The following SCAPER variants were observed in gnomAD, a reference collection of about 807,000 sequenced individuals.
The protein encoded by SCAPER is S-phase cyclin A associated protein in the ER.
In SCAPER, 98 loss-of-function variants were observed where a neutral mutation model predicts 182.2. The observed-to-expected ratio is 0.54, with a 90% CI of 0.46 to 0.64. The LOEUF is 0.64. Ranked by LOEUF, SCAPER falls within the 30% of genes least tolerant of loss-of-function variation. The pLI is 0.00. For missense variants in SCAPER, 1,432 were observed against 1,690.0 expected, an observed-to-expected ratio of 0.85 and a Z score of 2.68; for synonymous variants, 605 against 564.6, an observed-to-expected ratio of 1.07 and a Z score of -1.01.
chr15:76,368,732 C>A lies in SCAPER; in HGVS notation c.3855+7430G>T, dbSNP rs115660864. Among the ~76,000 whole-genome samples the A allele has an allele frequency of 3.9e-3, 599 of 152,256 alleles. 6 individuals are homozygous for A. The highest frequency in any genetic ancestry group is 0.014 in the African/African-American group (569 of 41,536). ...ACTCTGATAGCTGCAATCTATGGGG[C>A]CTTTCCAAATGAAAAAGCCAGTTGC... On this transcript the variant is annotated intron_variant, in intron 29 of 31. Coordinates refer to ENST00000563290, the MANE Select transcript of SCAPER (RefSeq NM_020843.4).
At chr15:76,422,831 G>A (rs560469492) in intron 26 of SCAPER, among the ~76,000 whole-genome samples, 14 of 150,944 alleles carry the variant, frequency 9.3e-5, no homozygotes, top group Non-Finnish European at 1.8e-4. Flanking sequence ...TAGCAGGAAG[G>A]GTTGTTGAAT....
chr15:76,670,105 G>C (rs1377039546), intron 20 of SCAPER, among the ~76,000 whole-genome samples: 1 of 151,904 alleles, frequency 6.6e-6, no homozygotes, highest in East Asian at 1.9e-4. Context: ...TCTCAAACCA[G>C]AGACAAATGA....
At chr15:76,442,114 G>A (rs1023424481) in intron 25 of SCAPER, among the ~76,000 whole-genome samples, 1 of 151,936 alleles carries the variant, frequency 6.6e-6, no homozygotes, top group African/African-American at 2.4e-5. Context: ...AAGGTGTAAA[G>A]TGAATTAAAG....
At position 76,511,843 on chromosome 15, in the gene SCAPER, A is replaced by ATGTGTGTGTGTG. The variant is rs1555461783; in HGVS notation, c.2839-6881_2839-6870dup. On this transcript the variant is annotated intron_variant, in intron 23 of 31. Coordinates refer to ENST00000563290, the MANE Select transcript of SCAPER (RefSeq NM_020843.4). ...AGATACACTTATTATATATATATAT[A>ATGTGTGTGTGTG]TGTGTGTGTGTGTGTGTGTGTGTGT... is the stretch of plus-strand genomic sequence containing the variant. Among the ~76,000 whole-genome samples, 350 of 123,244 alleles carry ATGTGTGTGTGTG rather than the reference A, an allele frequency of 2.8e-3. 2 individuals carry two copies. The highest frequency in any genetic ancestry group is 0.01 in the African/African-American group (300 of 29,768). 80.9% of individuals were successfully genotyped at this position (123,244 alleles called of 152,430 possible).
rs372932948 is a variant in SCAPER, at chr15:76,630,946, C to T, written c.2646-9117G>A. Among the ~76,000 whole-genome samples the T allele has an allele frequency of 2.4e-4, 37 of 152,270 alleles. No homozygotes were observed. The East Asian group carries it at 6.6e-3, about 27-fold the overall frequency. On this transcript the variant is annotated intron_variant, in intron 21 of 31. Coordinates refer to ENST00000563290, the MANE Select transcript of SCAPER (RefSeq NM_020843.4). ...TGGGAGTCTAAGTCTCTCTGTAGGTCTCTAAGAACTTGTTTTATGAATCTG... is the reference window on the plus strand; with the variant it reads ...TGGGAGTCTAAGTCTCTCTGTAGGTTTCTAAGAACTTGTTTTATGAATCTG...
intron 30 of SCAPER, among the ~76,000 whole-genome samples, chr15:76,352,841 T>G (rs1175058829): frequency 6.6e-6 from 1 of 152,216 alleles, no homozygotes; most frequent in Non-Finnish European, 1.5e-5. Context: ...CTGTAAAATT[T>G]TCTTAAGATA....
At chr15:76,498,004 A>AT (rs1465004013) in intron 24 of SCAPER, among the ~76,000 whole-genome samples, 3 of 149,938 alleles carry the variant, frequency 2.0e-5, no homozygotes, top group Non-Finnish European at 3.0e-5. Context: ...AAAAAAAAAA[A>AT]AAAAAAAAAA....
intron 7 of SCAPER, chr15:76,797,472 G>A (rs2065410585): frequency 6.6e-6 from 1 of 152,170 alleles, no homozygotes. Context: ...TGAAAATCAA[G>A]AAGGCCACAC....
intron 23 of SCAPER, among the ~76,000 whole-genome samples, chr15:76,523,713 A>G (rs1467991726): frequency 6.6e-6 from 1 of 152,104 alleles, no homozygotes; most frequent in East Asian, 1.9e-4. Context: ...GAAGAGTAAT[A>G]ACGGTTTACT....
chr15:76,564,270 T>A (rs929348097), intron 23 of SCAPER, among the ~76,000 whole-genome samples: 1 of 152,142 alleles, frequency 6.6e-6, no homozygotes, highest in Admixed American at 6.5e-5. Flanking sequence ...GAAAACCCCA[T>A]TGTCTCAGTC....
At chr15:76,863,588 G>C (rs1451102280) in intron 2 of SCAPER, among the ~76,000 whole-genome samples, 1 of 152,188 alleles carries the variant, frequency 6.6e-6, no homozygotes, top group Non-Finnish European at 1.5e-5. Context: ...AACAATCCAA[G>C]TAAATGAAGC....
chr15:76,650,559 A>C (rs1255412163), intron 21 of SCAPER, among the ~76,000 whole-genome samples: 2 of 152,044 alleles, frequency 1.3e-5, no homozygotes, highest in African/African-American at 4.8e-5. Context: ...AAATTTTTTA[A>C]ACATAATAAT....
rs537965040 is a variant in SCAPER, at chr15:76,447,312, T to A, written c.3079-13002A>T. The stretch of plus-strand genomic sequence containing the variant: ...ACATCCTTTGTGATAAACTGGTAAA[T>A]GTAAGTGTTTCCTTGAGTTCTGTAA... On this transcript the variant is annotated intron_variant, in intron 25 of 31. Transcript: ENST00000563290. Among the ~76,000 whole-genome samples, 22 of 152,278 alleles carry A rather than the reference T, an allele frequency of 1.4e-4. No homozygotes were observed. The South Asian group carries it at 4.4e-3, about 30-fold the overall frequency.
rs1598522558 is a variant in SCAPER at position 76,753,729 on chromosome 15, T to C, written c.1866+79A>G. 4 of 1,442,030 alleles carry C rather than the reference T, an allele frequency of 2.8e-6. No individual in the cohort carries two copies. The East Asian group carries it at 9.3e-5, about 33-fold the overall frequency. 89.3% of individuals were successfully genotyped at this position (1,442,030 alleles called of 1,614,324 possible). On this transcript the variant is annotated intron_variant, in intron 15 of 31. Transcript: ENST00000563290. ...AACAGAATAAACATTGGATAAACATTATCTTCTATTACTATTATATAACAA... is the reference window on the plus strand; with the variant it reads ...AACAGAATAAACATTGGATAAACATCATCTTCTATTACTATTATATAACAA...
chr15:76,582,642 A>C (rs2048349863), intron 22 of SCAPER, among the ~76,000 whole-genome samples: 1 of 152,230 alleles, frequency 6.6e-6, no homozygotes, highest in African/African-American at 2.4e-5. Context: ...AAATAGCCAA[A>C]GCTATTCTGA....
At chr15:76,633,315 C>T (rs1428583396) in intron 21 of SCAPER, among the ~76,000 whole-genome samples, 1 of 152,126 alleles carries the variant, frequency 6.6e-6, no homozygotes, top group Non-Finnish European at 1.5e-5. Flanking sequence ...GAGCTCTGAC[C>T]CAGAGGGGCA....
At chr15:76,352,092 T>G (rs1018462719) in intron 30 of SCAPER, among the ~76,000 whole-genome samples, 4 of 152,226 alleles carry the variant, frequency 2.6e-5, no homozygotes, top group African/African-American at 9.6e-5. Flanking sequence ...GGAACTAAGC[T>G]GATACAGATG....
At chr15:76,702,605 G>A (rs1369179053) in intron 19 of SCAPER, among the ~76,000 whole-genome samples, 1 of 151,960 alleles carries the variant, frequency 6.6e-6, no homozygotes, top group Non-Finnish European at 1.5e-5. Flanking sequence ...GCACCACCAT[G>A]CCCAGCTAAT....
In SCAPER at chr15:76,766,892, T is replaced by C. The variant is rs542608970; in HGVS notation, c.1419+26A>G. On this transcript the variant is annotated intron_variant, in intron 11 of 31. Coordinates refer to ENST00000563290, the MANE Select transcript of SCAPER (RefSeq NM_020843.4). ...GTTTCTAAATATAAATTTTGAATAG[T>C]TATGTTAAAAAGTCTAAAAGCTCAC... 1.3e-5 allele frequency: 21 copies of C among 1,568,792 alleles called. No homozygotes were observed. In the Admixed American group the frequency reaches 2.3e-4, roughly 17 times the overall value.
Sources: allele counts gnomAD v4.1 joint callset (sites outside exome capture counted in the v4.1 genomes callset), GRCh38; gene constraint gnomAD v4.1.1; transcripts MANE v1.5; gene names NCBI Gene and HGNC (gene_info 2026-07-23, HGNC 2026-07-21).